Variants in BRAF observed in about 807,000 individuals in gnomAD.
The protein encoded by BRAF is B-Raf proto-oncogene, serine/threonine kinase.
In BRAF, 16 loss-of-function variants were observed where a neutral mutation model predicts 104.6. That is an observed-to-expected ratio of 0.15 (90% CI 0.10 to 0.23). BRAF has a LOEUF of 0.23. BRAF is among the 10% of genes least tolerant of loss of function. The pLI is 1.00. For synonymous variants in BRAF, 310 were observed against 341.6 expected (o/e 0.91, Z 1.02); for missense variants, 541 against 937.3 (o/e 0.58, Z 5.52).
At chr7:140,814,007 T>C (rs1804563860) in intron 3 of BRAF, among the ~76,000 whole-genome samples, 1 of 152,144 alleles carries the variant, frequency 6.6e-6, no homozygotes, top group African/African-American at 2.4e-5. Flanking sequence ...GCAAATACCA[T>C]ATGAAAGTAT....
Position 140,726,393 on chromosome 7 carries a change from T to A in BRAF, c.*101A>T. ...CAGCTTATGCATTGGAAATTTTGTA[T>A]CTTTAAAAAAAGATTTGAGGAACAG... On this transcript the variant is annotated 3_prime_UTR_variant, in exon 20 of 20. Coordinates refer to ENST00000644969, the MANE Select transcript of BRAF (RefSeq NM_001374258.1). The A allele has an allele frequency of 6.6e-7, 1 of 1,508,902 alleles. No homozygotes were observed. Among genetic ancestry groups the A allele is most frequent in the South Asian group, 1.3e-5 (1 of 78,928 alleles). The allele number at this position is 1,508,902 out of a possible 1,614,324, so 93.5% of individuals were successfully genotyped here.
At position 140,890,396 on chromosome 7, in the gene BRAF, T is replaced by C. The variant is rs540255220; in HGVS notation, c.138+34170A>G. On this transcript the variant is annotated intron_variant, in intron 1 of 19. Transcript: ENST00000644969. ...CCAATAAATATCTACCAAATCCCTG[T>C]ATGTGCTCAGGCTCATGCTAGGAGT... 1.1e-4 allele frequency among the ~76,000 whole-genome samples: 16 copies of C among 152,326 alleles called. No individual in the cohort carries two copies. In the South Asian group the frequency reaches 1.5e-3, roughly 14 times the overall value.
intron 17 of BRAF, among the ~76,000 whole-genome samples, chr7:140,743,333 T>A (rs1274535056): frequency 7.9e-5 from 12 of 151,804 alleles, no homozygotes; most frequent in South Asian, 2.1e-4. Flanking sequence ...CAAATGTCCA[T>A]CAATGATAGA....
chr7:140,897,491 T>C (rs1217728066), intron 1 of BRAF, among the ~76,000 whole-genome samples: 1 of 144,516 alleles, frequency 6.9e-6, no homozygotes, highest in Non-Finnish European at 1.5e-5. Context: ...GATTTCTTTT[T>C]TCTTTTTTTT....
At chr7:140,775,231 C>T (rs1010982389) in intron 14 of BRAF, among the ~76,000 whole-genome samples, 2 of 152,112 alleles carry the variant, frequency 1.3e-5, no homozygotes, top group Admixed American at 6.6e-5. Context: ...AGAAGGAACA[C>T]GCTTGGCCTG....
At chr7:140,782,137 C>T (rs1800940178) in intron 11 of BRAF, among the ~76,000 whole-genome samples, 1 of 152,066 alleles carries the variant, frequency 6.6e-6, no homozygotes, top group South Asian at 2.1e-4. Context: ...TCAATTCCCA[C>T]CTATGAGTGA....
chr7:140,880,005 T>C (rs961410950), intron 1 of BRAF, among the ~76,000 whole-genome samples: 5 of 152,174 alleles, frequency 3.3e-5, no homozygotes, highest in Non-Finnish European at 5.9e-5. Context: ...GTGCTGAGAT[T>C]ACAGGTGTAA....
At chr7:140,893,364 C>T (rs375193994) in intron 1 of BRAF, among the ~76,000 whole-genome samples, 3 of 152,038 alleles carry the variant, frequency 2.0e-5, no homozygotes, top group African/African-American at 7.3e-5. Flanking sequence ...ATTCTCCTGC[C>T]TCAGCCTCCT....
At chr7:140,905,556 AT>A (rs1326593113) in intron 1 of BRAF, among the ~76,000 whole-genome samples, 3 of 152,118 alleles carry the variant, frequency 2.0e-5, no homozygotes, top group Non-Finnish European at 4.4e-5. Context: ...ATATAACTGA[AT>A]TTTTTTGGAA....
intron 3 of BRAF, among the ~76,000 whole-genome samples, chr7:140,809,726 G>A (rs1031712091): frequency 2.0e-5 from 3 of 152,098 alleles, no homozygotes; most frequent in Non-Finnish European, 2.9e-5. Flanking sequence ...CTGTAGTTCT[G>A]TAGATTTGCA....
chr7:140,726,411 A>G lies in BRAF; in HGVS notation c.*83T>C. 6.6e-7 allele frequency: 1 copy of G among 1,510,626 alleles called. No individual in the cohort carries two copies. Among genetic ancestry groups the G allele is most frequent in the Non-Finnish European group, 8.8e-7 (1 of 1,137,950 alleles). The allele number at this position is 1,510,626 out of a possible 1,614,324, so 93.6% of individuals were successfully genotyped here. A position where few individuals can be genotyped will look rare whatever the true frequency, so the allele number is the denominator to read the frequency against. ...TTTTGTATCTTTAAAAAAAGATTTG[A>G]GGAACAGAACTGTGTTTTGATGTTA... On this transcript the variant is annotated 3_prime_UTR_variant, in exon 20 of 20. Coordinates refer to ENST00000644969, the MANE Select transcript of BRAF (RefSeq NM_001374258.1).
intron 17 of BRAF, chr7:140,747,366 C>T: frequency 1.6e-6 from 2 of 1,268,862 alleles, no homozygotes; most frequent in Middle Eastern, 2.2e-4. Flanking sequence ...AAGGCCTTAC[C>T]CTTCTGTTGG....
chr7:140,913,425 C>T (rs1817222578), intron 1 of BRAF, among the ~76,000 whole-genome samples: 1 of 146,620 alleles, frequency 6.8e-6, no homozygotes, highest in African/African-American at 2.5e-5. Flanking sequence ...ACAAAAGTCA[C>T]CAATGTAGTT....
intron 1 of BRAF, among the ~76,000 whole-genome samples, chr7:140,900,474 T>C (rs1055846361): frequency 6.6e-6 from 1 of 152,240 alleles, no homozygotes; most frequent in Non-Finnish European, 1.5e-5. Flanking sequence ...CCAGCAAGTG[T>C]ATCCTTTCCC....
intron 14 of BRAF, among the ~76,000 whole-genome samples, chr7:140,776,135 T>A (rs1478051691): frequency 1.3e-5 from 2 of 151,998 alleles, no homozygotes; most frequent in Admixed American, 1.3e-4. Flanking sequence ...AGAAAAAAGA[T>A]CTCCTTCATA....
At chr7:140,850,783 G>A (rs1167641732) in intron 1 of BRAF, among the ~76,000 whole-genome samples, 2 of 152,118 alleles carry the variant, frequency 1.3e-5, no homozygotes, top group Non-Finnish European at 2.9e-5. Context: ...CCAGGGGTTA[G>A]GTGGGCATAG....
rs937192399 is a variant in BRAF at position 140,720,406 on chromosome 7, C to T, written c.*6088G>A. On this transcript the variant is annotated 3_prime_UTR_variant, in exon 20 of 20. Coordinates refer to ENST00000644969, the MANE Select transcript of BRAF (RefSeq NM_001374258.1). ...CACCCCTGTATGTAAACTAACATAA[C>T]ATGAAGATAAATAAGACATAAAGGC... The T allele has an allele frequency of 4.7e-6, 5 of 1,062,044 alleles. No homozygotes were observed. The highest frequency in any genetic ancestry group is 5.7e-6 in the Non-Finnish European group (5 of 877,384). The allele number at this position is 1,062,044 out of a possible 1,614,324, so 65.8% of individuals were successfully genotyped here.
chr7:140,798,653 G>C (rs1405334638), intron 7 of BRAF, among the ~76,000 whole-genome samples: 1 of 148,184 alleles, frequency 6.7e-6, no homozygotes, highest in Non-Finnish European at 1.5e-5. Flanking sequence ...ACAGACCTGT[G>C]TCAGAAATGT....
intron 12 of BRAF, among the ~76,000 whole-genome samples, chr7:140,778,489 T>C (rs1800539600): frequency 6.6e-6 from 1 of 152,122 alleles, no homozygotes; most frequent in African/African-American, 2.4e-5. Flanking sequence ...TAGGAAACTA[T>C]AAAACTTTTT....
Sources: allele counts gnomAD v4.1 joint callset (sites outside exome capture counted in the v4.1 genomes callset), GRCh38; gene constraint gnomAD v4.1.1; transcripts MANE v1.5; gene names NCBI Gene and HGNC (gene_info 2026-07-23, HGNC 2026-07-21).